DIDO1: variants seen among roughly 807,000 people sequenced by gnomAD.
DIDO1 encodes death inducer-obliterator 1, also known as death-inducer obliterator 1.
Under a neutral mutation model 99.4 loss-of-function variants are expected in DIDO1, and 16 were observed. The ratio of observed to expected loss-of-function variants is 0.16; its 90% CI spans 0.11 to 0.24. The LOEUF (loss-of-function observed/expected upper bound fraction) is 0.24. Among genes scored for constraint, DIDO1 ranks in the 10% least tolerant of loss-of-function variants. The pLI is 1.00. For synonymous variants in DIDO1, 1,366 were observed against 1,239.1 expected (o/e 1.10, Z -2.15); for missense variants, 2,996 against 3,014.0 (o/e 0.99, Z 0.14).
At chr20:62,919,947 T>A (rs759463260) in intron 1 of DIDO1, among the ~76,000 whole-genome samples, 19 of 152,376 alleles carry the variant, frequency 1.2e-4, no homozygotes, top group Non-Finnish European at 2.5e-4. Context: ...TATTGTTCTC[T>A]ATTTAATGGC....
chr20:62,905,257 C>T (rs1245204218), intron 6 of DIDO1: 22 of 1,337,832 alleles, frequency 1.6e-5, no homozygotes, highest in South Asian at 1.7e-5. Context: ...ACTCACTTAC[C>T]GTGGGGCCTA....
rs772927823 is a variant in DIDO1, at chr20:62,879,417, T to C, written c.6539A>G (p.Glu2180Gly). ...DRSRERSRNRERERDRRRDRD... is the reference protein window; with the variant it reads ...DRSRERSRNRGRERDRRRDRD... ...GTCGCGCCTCCGGTCTCGCTCGCGC[T>C]CTCGGTTCCTGCTCCGCTCCCGGCT... is the stretch of plus-strand genomic sequence containing the variant. The change falls in exon 16 of 16, where the codon GAG becomes GGG. Residue 2180 changes from glutamate to glycine, a missense_variant. Glu to Gly is a moderately conservative substitution (Grantham distance 98). This residue lies in a region of DIDO1 where 1,562 missense variants were observed against 1,412.6 expected (regional missense o/e 1.11). Transcript: ENST00000395343. The surrounding 1 kb of genome is among the most constrained non-coding windows in gnomAD (Gnocchi z 6.3). The C allele has an allele frequency of 6.5e-7, 1 of 1,544,880 alleles. No homozygotes were observed. Among genetic ancestry groups the C allele is most frequent in the Admixed American group, 1.9e-5 (1 of 51,354 alleles).
intron 1 of DIDO1, among the ~76,000 whole-genome samples, chr20:62,919,606 G>C (rs2065099217): frequency 1.3e-5 from 2 of 151,892 alleles, no homozygotes; most frequent in African/African-American, 2.4e-5. Flanking sequence ...AGAAAATGTA[G>C]AGAAAAATCC....
rs75630914 is a variant in DIDO1 at position 62,890,834 on chromosome 20, C to T, written c.3541+126G>A. 2,943 of 1,571,454 alleles carry T rather than the reference C, an allele frequency of 1.9e-3. 34 individuals carry two copies. The African/African-American group carries it at 0.033, about 17-fold the overall frequency. On this transcript the variant is annotated intron_variant, in intron 15 of 15. Transcript: ENST00000395343. ...AGATGAATCCTATTGCTAACCGCTGCGTCTGTGCTCCTAACTCCTGCTCCC... is the reference window on the plus strand; with the variant it reads ...AGATGAATCCTATTGCTAACCGCTGTGTCTGTGCTCCTAACTCCTGCTCCC...
chr20:62,916,558 T>C (rs903849535), intron 1 of DIDO1, among the ~76,000 whole-genome samples: 1 of 152,236 alleles, frequency 6.6e-6, no homozygotes, highest in Non-Finnish European at 1.5e-5. Flanking sequence ...ACATTAATAG[T>C]ATCTTTAAAT....
intron 1 of DIDO1, among the ~76,000 whole-genome samples, chr20:62,933,037 A>T (rs535282776): frequency 3.3e-5 from 5 of 152,196 alleles, no homozygotes; most frequent in African/African-American, 4.8e-5. Context: ...ACATGAAGAA[A>T]CCCCATCTCT....
Position 62,879,719 on chromosome 20 carries a change from T to A in DIDO1, c.6237A>T (p.Arg2079Ser), listed in dbSNP as rs1282808758. 3.7e-6 allele frequency: 6 copies of A among 1,611,644 alleles called. No homozygotes were observed. In the East Asian group the frequency reaches 1.1e-4, roughly 30 times the overall value. The change falls in exon 16 of 16, where the codon AGA becomes AGT. Residue 2079 changes from arginine to serine, a missense_variant. By Grantham distance (110) the Arg-to-Ser change is moderately radical. Transcript: ENST00000395343. The surrounding 1 kb of genome is among the most constrained non-coding windows in gnomAD (Gnocchi z 6.3). ...DFREGKGHEY[R>S]NQTFEGRQRE... Reference sequence around the variant, plus strand: ...TCTGCCTCCCTTCGAAAGTCTGGTTTCTGTATTCGTGGCCTTTCCCCTCTC... The same window carrying A: ...TCTGCCTCCCTTCGAAAGTCTGGTTACTGTATTCGTGGCCTTTCCCCTCTC...
chr20:62,903,703 A>G (rs561598038), intron 6 of DIDO1, among the ~76,000 whole-genome samples: 1 of 152,330 alleles, frequency 6.6e-6, no homozygotes, highest in East Asian at 1.9e-4. Context: ...CTACTAGCTC[A>G]AAAGTGTGTC....
At chr20:62,913,258 A>T (rs552079379) in intron 2 of DIDO1, among the ~76,000 whole-genome samples, 1 of 152,154 alleles carries the variant, frequency 6.6e-6, no homozygotes, top group South Asian at 2.1e-4. Flanking sequence ...ACCTGAAGTG[A>T]CCCCATTGTT....
At position 62,879,140 on chromosome 20, in the gene DIDO1, C is replaced by T. The variant is rs867564124; in HGVS notation, c.*93G>A. ...AATGTTTAAGTCCAGAATATTCTAT[C>T]CTGAATCTAAGATCGTGGCTATTTC... On this transcript the variant is annotated 3_prime_UTR_variant, in exon 16 of 16. Coordinates refer to ENST00000395343, the MANE Select transcript of DIDO1 (RefSeq NM_001193369.2). This position sits in a 1 kb window ranked among gnomAD's most constrained non-coding sequence, Gnocchi z 6.3. The T allele has an allele frequency of 1.5e-4, 173 of 1,190,208 alleles. No individual in the cohort carries two copies. In the Middle Eastern group the frequency reaches 3.0e-3, roughly 21 times the overall value. The allele number at this position is 1,190,208 out of a possible 1,614,324, so 73.7% of individuals were successfully genotyped here.
chr20:62,913,714 G>C (rs1187309725), intron 2 of DIDO1, among the ~76,000 whole-genome samples: 2 of 152,134 alleles, frequency 1.3e-5, no homozygotes, highest in Non-Finnish European at 2.9e-5. Flanking sequence ...CCTTTGCCCA[G>C]AAGGGCACAA....
chr20:62,888,230 G>A, intron 15 of DIDO1: 1 of 985,510 alleles, frequency 1.0e-6, no homozygotes, highest in Non-Finnish European at 1.2e-6. Flanking sequence ...TGGGAGGCAT[G>A]GACACCTGCA....
rs775738654 is a variant in DIDO1, at chr20:62,909,861, T to A, written c.999A>T (p.Ala333=). ...GTCTCCATTTAGCTTCCTGCTGATC[T>A]GCCGTTTCTGAATGAGTCTCATCCT... ...QVQDETHSET[A]DQQEAKWRPG... The change falls in exon 4 of 16, where the codon GCA becomes GCT. Residue 333 remains alanine (A), a synonymous_variant. Coordinates refer to ENST00000395343, the MANE Select transcript of DIDO1 (RefSeq NM_001193369.2). 13 of 1,614,128 alleles carry A rather than the reference T, an allele frequency of 8.1e-6. No homozygotes were observed. Among genetic ancestry groups the A allele is most frequent in the Non-Finnish European group, 6.8e-6 (8 of 1,180,048 alleles).
chr20:62,894,360 C>CA lies in DIDO1; in HGVS notation c.2572+52dup, dbSNP rs1388050346. The CA allele has an allele frequency of 2.5e-6, 4 of 1,593,838 alleles. No homozygotes were observed. The African/African-American group carries it at 4.0e-5, about 16-fold the overall frequency. ...TTTTAGGAGGTTCAGTGATTTTTAACAAAATCAAGTTTAGTCTCAGCTCCA... is the reference window on the plus strand; with the variant it reads ...TTTTAGGAGGTTCAGTGATTTTTAACAAAAATCAAGTTTAGTCTCAGCTCCA... On this transcript the variant is annotated intron_variant, in intron 11 of 15. Coordinates refer to ENST00000395343, the MANE Select transcript of DIDO1 (RefSeq NM_001193369.2). This position sits in a 1 kb window ranked among gnomAD's most constrained non-coding sequence, Gnocchi z 4.4.
Position 62,881,312 on chromosome 20 carries a change from C to T in DIDO1, c.4644G>A (p.Leu1548=). ...GGTTTGACGCCTGGCTGGCGGGGGG[C>T]AGTGAGGCGGGCTTGTCTGCAGACT... ...EQQSADKPAS[L]PPASQASNHR... is the part of the protein sequence containing the mutation. The change falls in exon 16 of 16, where the codon CTG becomes CTA. Residue 1548 remains leucine, a synonymous_variant. Coordinates refer to ENST00000395343, the MANE Select transcript of DIDO1 (RefSeq NM_001193369.2). This position sits in a 1 kb window ranked among gnomAD's most constrained non-coding sequence, Gnocchi z 8.3. 6.2e-7 allele frequency: 1 copy of T among 1,604,872 alleles called. No homozygotes were observed. The highest frequency in any genetic ancestry group is 1.3e-5 in the African/African-American group (1 of 75,056).
At chr20:62,933,695 C>A (rs1382670000) in intron 1 of DIDO1, among the ~76,000 whole-genome samples, 3 of 152,170 alleles carry the variant, frequency 2.0e-5, no homozygotes, top group African/African-American at 4.8e-5. Context: ...CATAGTGAGA[C>A]CTCTCCTCTA....
Position 62,911,600 on chromosome 20 carries a change from CT to C in DIDO1, c.12del (p.Gly5AlafsTer74). ...GGTGCCTCCTCATTGCTCGGGTCGCCTTTGTCGTCCATACCTAGCGGTAAAG... is the reference window on the plus strand; with the variant it reads ...GGTGCCTCCTCATTGCTCGGGTCGCCTTGTCGTCCATACCTAGCGGTAAAG... MDD[K>X]GDPSNEEAPK... On this transcript the variant is annotated frameshift_variant, in exon 3 of 16. Coordinates refer to ENST00000395343, the MANE Select transcript of DIDO1 (RefSeq NM_001193369.2). LOFTEE classifies it high-confidence loss of function. The surrounding 1 kb of genome is among the most constrained non-coding windows in gnomAD (Gnocchi z 7.0). 6.3e-7 allele frequency: 1 copy of C among 1,578,252 alleles called. No individual in the cohort carries two copies.
rs2064791687 is a variant in DIDO1 at position 62,905,905 on chromosome 20, G to A, written c.1570C>T (p.Pro524Ser). The change falls in exon 6 of 16, where the codon CCG (proline) becomes TCG (serine). Residue 524 changes from proline to serine, a missense_variant. By Grantham distance (74) the Pro-to-Ser change is moderately conservative. Transcript: ENST00000395343. ...VKPEKTAAPS[P>S]SLLYKSTKED... ...TACATACATTTATACAACAGTGACG[G>A]CGAGGGAGCAGCAGTCTTTTCTGGC... 6.2e-7 allele frequency: 1 copy of A among 1,614,178 alleles called. No homozygotes were observed. Among genetic ancestry groups the A allele is most frequent in the Non-Finnish European group, 8.5e-7 (1 of 1,180,026 alleles).
chr20:62,880,868 G>A lies in DIDO1; in HGVS notation c.5088C>T (p.Gly1696=), dbSNP rs1011221678. ...PGFASQDKAL[G]SAQYEDPRNL... is the part of the protein sequence containing the mutation. ...TTCTTGGGTCCTCATACTGGGCTGA[G>A]CCGAGAGCCTTGTCCTGCGACGCGA... Residue 1696 remains glycine (G), a synonymous_variant, in exon 16 of 16, where the codon GGC becomes GGT. Transcript: ENST00000395343. 1 of 1,612,556 alleles carries A rather than the reference G, an allele frequency of 6.2e-7. No homozygotes were observed. The highest frequency in any genetic ancestry group is 8.5e-7 in the Non-Finnish European group (1 of 1,179,988).
Sources: allele counts gnomAD v4.1 joint callset (sites outside exome capture counted in the v4.1 genomes callset), GRCh38; gene constraint gnomAD v4.1.1; regional missense constraint gnomAD v4.1.1; non-coding constraint Gnocchi (gnomAD v3.1); transcripts MANE v1.5; gene names NCBI Gene and HGNC (gene_info 2026-07-23, HGNC 2026-07-21).